Variants in PFDN1 observed in about 807,000 individuals in gnomAD.
The protein encoded by PFDN1 is prefoldin subunit 1.
In PFDN1, 6 loss-of-function variants were observed where a neutral mutation model predicts 17.3. The ratio of observed to expected loss-of-function variants is 0.35; its 90% CI spans 0.19 to 0.69. The LOEUF (loss-of-function observed/expected upper bound fraction) is 0.69. Ranked by LOEUF, PFDN1 falls within the 30% of genes least tolerant of loss-of-function variation. The pLI, the probability that PFDN1 is intolerant of heterozygous loss-of-function variation, is 0.65. For synonymous variants in PFDN1, 58 were observed against 50.1 expected, an observed-to-expected ratio of 1.16 and a Z score of -0.67; for missense variants, 113 against 146.2, an observed-to-expected ratio of 0.77 and a Z score of 1.17.
intron 3 of PFDN1, among the ~76,000 whole-genome samples, chr5:140,255,079 T>C (rs1037382343): frequency 6.6e-6 from 1 of 152,166 alleles, no homozygotes; most frequent in Admixed American, 6.5e-5. Context: ...ACTATGGAAA[T>C]TCTATTAAAC....
intron 2 of PFDN1, among the ~76,000 whole-genome samples, chr5:140,286,254 T>C (rs1765486576): frequency 6.6e-6 from 1 of 150,586 alleles, no homozygotes; most frequent in Non-Finnish European, 1.5e-5. Context: ...CTACTAAAAA[T>C]ACAAAAAAAT....
intron 1 of PFDN1, among the ~76,000 whole-genome samples, chr5:140,302,391 C>T (rs1765761672): frequency 6.6e-6 from 1 of 152,178 alleles, no homozygotes; most frequent in Non-Finnish European, 1.5e-5. Flanking sequence ...AAACAGGAAA[C>T]CCAATTCCTT....
chr5:140,264,061 C>CAAAAAA (rs1765103866), intron 3 of PFDN1, among the ~76,000 whole-genome samples: 2 of 78,802 alleles, frequency 2.5e-5, no homozygotes, highest in Non-Finnish European at 5.5e-5. Context: ...AAAAAAAAAT[C>CAAAAAA]ACGGTAGAAG....
intron 3 of PFDN1, among the ~76,000 whole-genome samples, chr5:140,246,834 G>A (rs1017517644): frequency 2.0e-5 from 3 of 152,152 alleles, no homozygotes; most frequent in Admixed American, 6.5e-5. Context: ...TCCTTGCCCC[G>A]AGGACATAGT....
intron 3 of PFDN1, among the ~76,000 whole-genome samples, chr5:140,274,928 G>A (rs1765266603): frequency 6.7e-6 from 1 of 149,004 alleles, no homozygotes; most frequent in Admixed American, 6.7e-5. Context: ...GGGACATGGA[G>A]ATTGCAGTGA....
chr5:140,255,246 T>C (rs1327367940), intron 3 of PFDN1, among the ~76,000 whole-genome samples: 1 of 152,220 alleles, frequency 6.6e-6, no homozygotes, highest in Non-Finnish European at 1.5e-5. Flanking sequence ...CCTACACCTG[T>C]ATGTATAGTC....
chr5:140,262,146 GC>G (rs1435257238), intron 3 of PFDN1, among the ~76,000 whole-genome samples: 21 of 152,194 alleles, frequency 1.4e-4, no homozygotes, highest in Admixed American at 1.4e-3. Flanking sequence ...TTTTCCTTTT[GC>G]CCTTGCTTCA....
chr5:140,272,998 C>CT (rs1304794041), intron 3 of PFDN1, among the ~76,000 whole-genome samples: 1 of 152,140 alleles, frequency 6.6e-6, no homozygotes, highest in East Asian at 1.9e-4. Context: ...CTATCATTGG[C>CT]TCTGCTATCC....
chr5:140,300,304 C>CA (rs1765723208), intron 2 of PFDN1, 112 bp downstream of exon 2: 1 of 743,114 alleles, frequency 1.3e-6, no homozygotes, highest in African/African-American at 1.8e-5. Context: ...GCCAGGATTA[C>CA]AGGCATGAGC....
intron 3 of PFDN1, chr5:140,273,864 A>T: frequency 1.0e-6 from 1 of 978,784 alleles, no homozygotes; most frequent in Non-Finnish European, 1.2e-6. Flanking sequence ...GAACCTGTAT[A>T]TGCATGTGCC....
intron 2 of PFDN1, among the ~76,000 whole-genome samples, chr5:140,295,335 C>T (rs1399131472): frequency 6.6e-6 from 1 of 152,056 alleles, no homozygotes; most frequent in Admixed American, 6.6e-5. Flanking sequence ...AGAAAACCCC[C>T]ACAAGCAATT....
chr5:140,298,856 G>A (rs1765692314), intron 2 of PFDN1, among the ~76,000 whole-genome samples: 1 of 151,946 alleles, frequency 6.6e-6, no homozygotes, highest in Non-Finnish European at 1.5e-5. Flanking sequence ...CTGGGTTCGA[G>A]CAGTTCTCCT....
rs969795133 is a variant in PFDN1 at position 140,291,205 on chromosome 5, T to C, written c.200+9211A>G. On this transcript the variant is annotated intron_variant, in intron 2 of 3. Coordinates refer to ENST00000261813, the MANE Select transcript of PFDN1 (RefSeq NM_002622.5). Reference sequence around the variant, plus strand: ...TGGCTGATCAGTTTAAAACAGACTATAAAGGGTTAAGGACAGAAGCAAGGA... The same window carrying C: ...TGGCTGATCAGTTTAAAACAGACTACAAAGGGTTAAGGACAGAAGCAAGGA... 4.9e-4 allele frequency among the ~76,000 whole-genome samples: 75 copies of C among 152,168 alleles called. 1 individual carries two copies. The highest frequency in any genetic ancestry group is 1.7e-3 in the African/African-American group (72 of 41,428).
intron 3 of PFDN1, among the ~76,000 whole-genome samples, chr5:140,258,720 G>A (rs1247898391): frequency 6.6e-6 from 1 of 152,172 alleles, no homozygotes; most frequent in Non-Finnish European, 1.5e-5. Context: ...GTTGGGGCTT[G>A]CATACTGGCT....
At chr5:140,278,715 T>C (rs1441442436) in intron 3 of PFDN1, among the ~76,000 whole-genome samples, 1 of 152,126 alleles carries the variant, frequency 6.6e-6, no homozygotes, top group Non-Finnish European at 1.5e-5. Flanking sequence ...ATAAACACTG[T>C]CATAGAGGAA....
intron 1 of PFDN1, 128 bp downstream of exon 1, chr5:140,302,913 G>A: frequency 1.3e-6 from 1 of 786,806 alleles, no homozygotes; most frequent in East Asian, 2.4e-5. Flanking sequence ...TAGGACTCTG[G>A]GAAACCATTC....
intron 2 of PFDN1, among the ~76,000 whole-genome samples, chr5:140,299,332 C>T (rs955188665): frequency 6.6e-6 from 1 of 152,098 alleles, no homozygotes; most frequent in African/African-American, 2.4e-5. Context: ...AGGCCAGGGG[C>T]GGTGGCTCAC....
At chr5:140,268,914 G>T (rs1327052098) in intron 3 of PFDN1, among the ~76,000 whole-genome samples, 1 of 152,180 alleles carries the variant, frequency 6.6e-6, no homozygotes, top group African/African-American at 2.4e-5. Context: ...TGACTGCAAA[G>T]ATATCAAAGG....
intron 2 of PFDN1, among the ~76,000 whole-genome samples, chr5:140,300,007 C>T (rs547449380): frequency 2.0e-5 from 3 of 152,200 alleles, no homozygotes; most frequent in Admixed American, 1.3e-4. Flanking sequence ...GCGAAAACTC[C>T]GTCTCAAAAA....
Sources: gnomAD v4.1 joint callset for allele counts (sites outside exome capture counted in the v4.1 genomes callset) on GRCh38, gnomAD v4.1.1 for gene constraint, MANE v1.5 for transcripts, NCBI Gene and HGNC (gene_info 2026-07-23, HGNC 2026-07-21) for gene names.